The following SORCS2 variants were observed in gnomAD, a reference collection of about 807,000 sequenced individuals.
SORCS2 encodes the protein sortilin related VPS10 domain containing receptor 2, also known as VPS10 domain-containing receptor SorCS2.
SORCS2 carries 100 observed loss-of-function variants against 141.6 expected under a neutral mutation model. That is an observed-to-expected ratio of 0.71 (90% confidence interval 0.60 to 0.83). The LOEUF (loss-of-function observed/expected upper bound fraction) is 0.83. Ranked by LOEUF, SORCS2 falls within the 40% of genes least tolerant of loss-of-function variation. The probability of loss-of-function intolerance (pLI) is 0.00; values close to 1 mark genes in which losing one functional copy is unlikely to be tolerated. For synonymous variants in SORCS2, 789 were observed against 676.9 expected (o/e 1.17, Z -2.57); for missense variants, 1,646 against 1,560.2 (o/e 1.05, Z -0.93).
At position 7,195,422 on chromosome 4, in the gene SORCS2, G is replaced by A. The variant is rs532730737; in HGVS notation, c.480+2296G>A. On this transcript the variant is annotated intron_variant, in intron 1 of 26. Transcript: ENST00000507866. The stretch of plus-strand genomic sequence containing the variant: ...TTGTGAGTAGTGGGTGTGGGTGTCC[G>A]TGGGGTCAGATGCTGGACCAGGCAT... 2.9e-4 allele frequency among the ~76,000 whole-genome samples: 44 copies of A among 152,238 alleles called. 1 individual carries two copies. Among genetic ancestry groups the A allele is most frequent in the African/African-American group, 1.0e-3 (43 of 41,522 alleles).
chr4:7,433,784 A>G, intron 2 of SORCS2: 2 of 1,613,558 alleles, frequency 1.2e-6, no homozygotes, highest in South Asian at 2.2e-5. Flanking sequence ...CGGTTGCCAC[A>G]CAGACGGATG....
At chr4:7,352,382 G>A (rs948757931) in intron 1 of SORCS2, among the ~76,000 whole-genome samples, 11 of 152,238 alleles carry the variant, frequency 7.2e-5, no homozygotes, top group Non-Finnish European at 1.5e-4. Context: ...GAGCTCAGAG[G>A]TGTGTGGGCC....
At chr4:7,363,208 C>G (rs1385782975) in intron 1 of SORCS2, among the ~76,000 whole-genome samples, 3 of 151,480 alleles carry the variant, frequency 2.0e-5, no homozygotes, top group South Asian at 4.2e-4. Context: ...GTCACCACCA[C>G]CACCACCACC....
chr4:7,259,111 G>A (rs1714137247), intron 1 of SORCS2, among the ~76,000 whole-genome samples: 1 of 152,206 alleles, frequency 6.6e-6, no homozygotes, highest in Non-Finnish European at 1.5e-5. Context: ...CTTTTGCTGT[G>A]TAGAAGCTCT....
intron 3 of SORCS2, among the ~76,000 whole-genome samples, chr4:7,543,975 C>CCATCCATCCAT: frequency 2.7e-5 from 1 of 37,536 alleles, no homozygotes; most frequent in South Asian, 1.1e-3. Context: ...CATCCATCCA[C>CCATCCATCCAT]CCATCCGTCC....
intron 1 of SORCS2, among the ~76,000 whole-genome samples, chr4:7,234,026 G>A (rs986606784): frequency 6.6e-6 from 1 of 152,168 alleles, no homozygotes; most frequent in African/African-American, 2.4e-5. Flanking sequence ...CAGGCATAGG[G>A]GTTAATGGAC....
At chr4:7,495,200 G>A (rs1453084787) in intron 2 of SORCS2, among the ~76,000 whole-genome samples, 1 of 152,194 alleles carries the variant, frequency 6.6e-6, no homozygotes, top group Admixed American at 6.5e-5. Flanking sequence ...CTAAATGCTG[G>A]GGGAGATGAA....
At chr4:7,469,199 T>C (rs112964187) in intron 2 of SORCS2, among the ~76,000 whole-genome samples, 2,781 of 151,876 alleles carry the variant, frequency 0.018, 86 homozygotes, top group African/African-American at 0.064. Flanking sequence ...ATGATGGTGG[T>C]GGTGGTGATG....
At chr4:7,393,732 T>A (rs1724015944) in intron 1 of SORCS2, among the ~76,000 whole-genome samples, 1 of 151,986 alleles carries the variant, frequency 6.6e-6, no homozygotes, top group Non-Finnish European at 1.5e-5. Flanking sequence ...AAACCAGTGG[T>A]TATTAGCTAT....
chr4:7,341,373 A>T (rs73210406), intron 1 of SORCS2, among the ~76,000 whole-genome samples: 22,213 of 152,200 alleles, frequency 0.15, 1,855 homozygotes, highest in Non-Finnish European at 0.19. Context: ...AGTCCTGCAA[A>T]TGGAGCAATC....
At chr4:7,675,880 G>T (rs913520142) in intron 8 of SORCS2, among the ~76,000 whole-genome samples, 170 bp from the exon 9 acceptor site, 17 of 152,176 alleles carry the variant, frequency 1.1e-4, no homozygotes, top group Non-Finnish European at 2.4e-4. Context: ...GGAGACTTGT[G>T]CAAGGCCACA....
intron 1 of SORCS2, among the ~76,000 whole-genome samples, chr4:7,388,387 C>T (rs938038806): frequency 1.4e-4 from 21 of 152,154 alleles, no homozygotes; most frequent in Non-Finnish European, 1.2e-4. Flanking sequence ...TTCTGGGACC[C>T]GCCCGATGGG....
chr4:7,381,069 A>G (rs4079444), intron 1 of SORCS2, among the ~76,000 whole-genome samples: 36,549 of 135,780 alleles, frequency 0.27, 5,307 homozygotes, highest in East Asian at 0.72. Flanking sequence ...GTGATAGAGC[A>G]AGACTCTGTC....
At chr4:7,230,492 C>G (rs1166792891) in intron 1 of SORCS2, among the ~76,000 whole-genome samples, 54 of 125,934 alleles carry the variant, frequency 4.3e-4, no homozygotes, top group Middle Eastern at 6.7e-3. Flanking sequence ...GGAGCAGTGT[C>G]ATGTGCTCAT....
At chr4:7,537,712 A>T (rs1342875709) in intron 3 of SORCS2, among the ~76,000 whole-genome samples, 1 of 152,194 alleles carries the variant, frequency 6.6e-6, no homozygotes, top group Non-Finnish European at 1.5e-5. Flanking sequence ...TTATAGAAAG[A>T]ATGAGAAAAG....
intron 2 of SORCS2, among the ~76,000 whole-genome samples, chr4:7,486,979 T>C (rs1731027959): frequency 6.6e-6 from 1 of 152,254 alleles, no homozygotes; most frequent in South Asian, 2.1e-4. Flanking sequence ...TGGGTCACTA[T>C]TCAACCCTCT....
At chr4:7,560,987 T>G (rs1714496029) in intron 3 of SORCS2, among the ~76,000 whole-genome samples, 3 of 152,092 alleles carry the variant, frequency 2.0e-5, no homozygotes, top group Non-Finnish European at 4.4e-5. Flanking sequence ...GCCGCCATAT[T>G]TGGGGACTGC....
intron 3 of SORCS2, among the ~76,000 whole-genome samples, chr4:7,611,821 G>T (rs943028991): frequency 1.3e-5 from 2 of 152,248 alleles, no homozygotes; most frequent in African/African-American, 4.8e-5. Flanking sequence ...ACATTGTCAG[G>T]GGCTGCACTG....
intron 14 of SORCS2, among the ~76,000 whole-genome samples, chr4:7,708,913 C>T: frequency 6.6e-6 from 1 of 152,086 alleles, no homozygotes; most frequent in East Asian, 1.9e-4. Context: ...TGATGTTTGC[C>T]GTTTTCCCTG....
Sources: allele counts gnomAD v4.1 joint callset (sites outside exome capture counted in the v4.1 genomes callset), GRCh38; gene constraint gnomAD v4.1.1; transcripts MANE v1.5; gene names NCBI Gene and HGNC (gene_info 2026-07-23, HGNC 2026-07-21).